The following AIDA variants were observed in gnomAD, a reference collection of about 807,000 sequenced individuals.
The protein encoded by AIDA is axin interactor, dorsalization associated.
Under a neutral mutation model 42.7 loss-of-function variants are expected in AIDA, and 18 were observed. The observed-to-expected ratio is 0.42, with a 90% CI of 0.29 to 0.63. The LOEUF (loss-of-function observed/expected upper bound fraction) is 0.63, where lower values mean the gene tolerates loss of function less well. Among genes scored for constraint, AIDA ranks in the 20% least tolerant of loss-of-function variants. AIDA has a pLI of 0.19. For missense variants in AIDA, 250 were observed against 354.1 expected (o/e 0.71, Z 2.36); for synonymous variants, 104 against 122.9 (o/e 0.85, Z 1.02).
At chr1:222,705,397 A>G (rs1234133719) in intron 1 of AIDA, among the ~76,000 whole-genome samples, 1 of 152,148 alleles carries the variant, frequency 6.6e-6, no homozygotes, top group East Asian at 1.9e-4. Context: ...AACAACATCA[A>G]CTATACATCC....
In AIDA at chr1:222,670,413, T is replaced by C. The variant is rs551805973; in HGVS notation, c.707-163A>G. On this transcript the variant is annotated intron_variant, in intron 8 of 9. Transcript: ENST00000340020. ...ATTTGACAGTAACTTACTATGGTTG[T>C]CACCCCGAACTCTTCTGTATCTGAG... is the stretch of plus-strand genomic sequence containing the variant. Among the ~76,000 whole-genome samples the C allele has an allele frequency of 5.3e-5, 8 of 152,366 alleles. No individual in the cohort carries two copies. The South Asian group carries it at 1.7e-3, about 32-fold the overall frequency.
At chr1:222,677,805 T>C (rs1168064214) in intron 6 of AIDA, among the ~76,000 whole-genome samples, 2 of 152,166 alleles carry the variant, frequency 1.3e-5, no homozygotes, top group Non-Finnish European at 2.9e-5. Context: ...TAATAGTCCA[T>C]GTATTGGCTA....
chr1:222,677,549 G>A (rs1424360590), intron 6 of AIDA, among the ~76,000 whole-genome samples: 1 of 152,116 alleles, frequency 6.6e-6, no homozygotes, highest in Non-Finnish European at 1.5e-5. Flanking sequence ...GGCGCTAAAT[G>A]TCATTACAGC....
At chr1:222,700,962 GATTTTTTTT>G in intron 2 of AIDA, among the ~76,000 whole-genome samples, 1 of 66,806 alleles carries the variant, frequency 1.5e-5, no homozygotes, top group Non-Finnish European at 2.7e-5. Context: ...CTCATTTCTT[GATTTTTTTT>G]GGGGGGGGGG....
At chr1:222,692,919 A>T (rs1056531671) in intron 4 of AIDA, among the ~76,000 whole-genome samples, 1 of 152,202 alleles carries the variant, frequency 6.6e-6, no homozygotes, top group African/African-American at 2.4e-5. Context: ...GAGATTTTTT[A>T]AAACTGAAGA....
At chr1:222,699,387 A>T (rs2124965588) in intron 2 of AIDA, among the ~76,000 whole-genome samples, 1 of 152,352 alleles carries the variant, frequency 6.6e-6, no homozygotes. Flanking sequence ...TTAATTTTGC[A>T]GATCCAACAG....
chr1:222,689,512 TATATATATAC>T (rs1287179147), intron 4 of AIDA, among the ~76,000 whole-genome samples: 3,613 of 73,678 alleles, frequency 0.049, 294 homozygotes, highest in African/African-American at 0.15. Context: ...TATATATATA[TATATATATAC>T]ACACATACAC....
chr1:222,673,218 C>T, intron 8 of AIDA, 95 bp downstream of exon 8: 1 of 1,143,924 alleles, frequency 8.7e-7, no homozygotes, highest in South Asian at 2.3e-5. Flanking sequence ...TTACTTCTGC[C>T]AGATACTAAC....
At chr1:222,696,391 T>G (rs933805665) in intron 2 of AIDA, among the ~76,000 whole-genome samples, 2 of 152,242 alleles carry the variant, frequency 1.3e-5, no homozygotes, top group Non-Finnish European at 2.9e-5. Context: ...TACTGAGCAC[T>G]TACTAAGTGA....
At chr1:222,678,091 C>T (rs560378057) in intron 6 of AIDA, among the ~76,000 whole-genome samples, 1 of 152,082 alleles carries the variant, frequency 6.6e-6, no homozygotes, top group East Asian at 1.9e-4. Flanking sequence ...AGCCCATTTC[C>T]CTGTTGTCTC....
intron 8 of AIDA, among the ~76,000 whole-genome samples, chr1:222,671,538 G>T (rs1664449144): frequency 6.6e-6 from 1 of 152,162 alleles, no homozygotes; most frequent in South Asian, 2.1e-4. Context: ...GCAATGTTCA[G>T]AAATGTGTGT....
intron 6 of AIDA, among the ~76,000 whole-genome samples, chr1:222,679,143 AAAG>A (rs1304937472): frequency 6.6e-6 from 1 of 152,218 alleles, no homozygotes; most frequent in Non-Finnish European, 1.5e-5. Flanking sequence ...AATATGCACG[AAAG>A]AAGATAAAAT....
At chr1:222,701,507 A>G (rs1655704149) in intron 2 of AIDA, among the ~76,000 whole-genome samples, 1 of 152,212 alleles carries the variant, frequency 6.6e-6, no homozygotes, top group Admixed American at 6.5e-5. Flanking sequence ...CTGTTTATCA[A>G]AATTTAGGTA....
At chr1:222,685,128 A>G (rs1187520213) in intron 6 of AIDA, among the ~76,000 whole-genome samples, 1 of 152,230 alleles carries the variant, frequency 6.6e-6, no homozygotes, top group Non-Finnish European at 1.5e-5. Flanking sequence ...AAGAGCTACC[A>G]TTGATAGTGC....
At chr1:222,683,895 A>G (rs979499577) in intron 6 of AIDA, among the ~76,000 whole-genome samples, 5 of 152,220 alleles carry the variant, frequency 3.3e-5, no homozygotes, top group African/African-American at 2.4e-5. Context: ...ATTAATATCA[A>G]GAAAGGTAAG....
chr1:222,711,780 C>T (rs1656054150), intron 1 of AIDA: 1 of 194,326 alleles, frequency 5.1e-6, no homozygotes, highest in South Asian at 6.6e-5. Flanking sequence ...GCCACTCATC[C>T]TTGGAACGTG....
intron 4 of AIDA, 79 bp downstream of exon 4, chr1:222,693,710 C>T (rs1655436992): frequency 1.7e-6 from 2 of 1,209,846 alleles, no homozygotes. Flanking sequence ...AAATCATAAT[C>T]TTTGTTAAAT....
chr1:222,671,695 A>T (rs572441075), intron 8 of AIDA, among the ~76,000 whole-genome samples: 1 of 152,308 alleles, frequency 6.6e-6, no homozygotes, highest in Admixed American at 6.5e-5. Context: ...AAGGATTACA[A>T]TAGTTAGGTT....
intron 6 of AIDA, among the ~76,000 whole-genome samples, chr1:222,683,920 T>C (rs958774765): frequency 6.6e-6 from 1 of 151,836 alleles, no homozygotes; most frequent in Non-Finnish European, 1.5e-5. Flanking sequence ...CTTGACTACC[T>C]TTTTTTTATT....
Sources: gnomAD v4.1 joint callset for allele counts (sites outside exome capture counted in the v4.1 genomes callset) on GRCh38, gnomAD v4.1.1 for gene constraint, MANE v1.5 for transcripts, NCBI Gene and HGNC (gene_info 2026-07-23, HGNC 2026-07-21) for gene names.